SERPINE2: variants seen among roughly 807,000 people sequenced by gnomAD.
SERPINE2 encodes the protein glia-derived nexin.
In SERPINE2, 14 loss-of-function variants were observed where a neutral mutation model predicts 36.3. That is an observed-to-expected ratio of 0.39 (90% confidence interval 0.25 to 0.60). SERPINE2 has a LOEUF of 0.60. Among genes scored for constraint, SERPINE2 ranks in the 20% least tolerant of loss-of-function variants. The probability of loss-of-function intolerance (pLI) is 0.57; values close to 1 mark genes in which losing one functional copy is unlikely to be tolerated. For synonymous variants in SERPINE2, 192 were observed against 191.8 expected (o/e 1.00, Z -0.01); for missense variants, 418 against 499.6 (o/e 0.84, Z 1.56).
intron 1 of SERPINE2, among the ~76,000 whole-genome samples, chr2:224,018,158 G>T (rs1691863955): frequency 6.6e-6 from 1 of 152,158 alleles, no homozygotes; most frequent in Non-Finnish European, 1.5e-5. Flanking sequence ...ATGGGCTTAG[G>T]AAATGATTGA....
rs138510893 is a variant in SERPINE2 at position 224,001,966 on chromosome 2, G to T, written c.-22-44C>A. ...AAATATTTAAATTATACTTAAATGG[G>T]TACTTTACTACTTTTTTTTTTTTTC... is the stretch of plus-strand genomic sequence containing the variant. On this transcript the variant is annotated intron_variant, in intron 1 of 8. Coordinates refer to ENST00000409304, the MANE Select transcript of SERPINE2 (RefSeq NM_001136528.2). The T allele has an allele frequency of 4.8e-4, 717 of 1,491,578 alleles. 5 individuals carry two copies. The East Asian group carries it at 0.015, about 31-fold the overall frequency. The allele number at this position is 1,491,578 out of a possible 1,614,324, so 92.4% of individuals were successfully genotyped here.
At chr2:224,029,603 G>C (rs1186517945) in intron 1 of SERPINE2, among the ~76,000 whole-genome samples, 1 of 152,184 alleles carries the variant, frequency 6.6e-6, no homozygotes, top group Non-Finnish European at 1.5e-5. Flanking sequence ...TTCACAGTCA[G>C]AAAAACAAGA....
At chr2:223,989,483 G>A (rs951459428) in intron 4 of SERPINE2, among the ~76,000 whole-genome samples, 7 of 152,164 alleles carry the variant, frequency 4.6e-5, no homozygotes, top group African/African-American at 1.2e-4. Flanking sequence ...AGAAAATGAC[G>A]GACAGTCTGT....
At chr2:223,982,823 A>G (rs1559194804) in intron 5 of SERPINE2, 42 bp from the exon 6 acceptor site, 2 of 1,420,060 alleles carry the variant, frequency 1.4e-6, no homozygotes, top group African/African-American at 2.8e-5. Flanking sequence ...TCACGAGGCT[A>G]TAAATGCTAC....
chr2:224,007,572 G>T (rs7584131), intron 1 of SERPINE2, among the ~76,000 whole-genome samples: 103,448 of 151,966 alleles, frequency 0.68, 35,708 homozygotes, highest in Non-Finnish European at 0.75. Flanking sequence ...ATTTAAAATA[G>T]ATATCCATGA....
chr2:223,990,346 A>G (rs1690614000), intron 4 of SERPINE2, among the ~76,000 whole-genome samples: 1 of 152,236 alleles, frequency 6.6e-6, no homozygotes, highest in Admixed American at 6.5e-5. Flanking sequence ...ACACATGTAT[A>G]TTCCTAGGCA....
intron 5 of SERPINE2, among the ~76,000 whole-genome samples, chr2:223,983,428 T>C (rs1690298798): frequency 6.6e-6 from 1 of 152,070 alleles, no homozygotes; most frequent in Non-Finnish European, 1.5e-5. Context: ...TAATTTTTTA[T>C]ATTTTTAGTA....
At chr2:224,020,427 G>C (rs1250585104) in intron 1 of SERPINE2, among the ~76,000 whole-genome samples, 4 of 152,172 alleles carry the variant, frequency 2.6e-5, no homozygotes, top group Non-Finnish European at 4.4e-5. Flanking sequence ...GGTCCTTCTG[G>C]AAAGCACCAT....
At chr2:223,985,155 G>T in intron 4 of SERPINE2, 1 of 579,318 alleles carries the variant, frequency 1.7e-6, no homozygotes, top group Non-Finnish European at 3.1e-6. Context: ...AGTCTAGACA[G>T]AATGCCTTTG....
chr2:224,015,378 G>A (rs1264573435), intron 1 of SERPINE2, among the ~76,000 whole-genome samples: 1 of 152,216 alleles, frequency 6.6e-6, no homozygotes, highest in African/African-American at 2.4e-5. Context: ...GGCCACATGG[G>A]CAGACATTGG....
At chr2:224,002,427 T>C (rs1353972523) in intron 1 of SERPINE2, among the ~76,000 whole-genome samples, 1 of 152,152 alleles carries the variant, frequency 6.6e-6, no homozygotes, top group East Asian at 1.9e-4. Flanking sequence ...CAAACTTCCA[T>C]CTCTTGGGTC....
chr2:224,031,403 A>G (rs1262581310), intron 1 of SERPINE2: 3 of 985,364 alleles, frequency 3.0e-6, no homozygotes, highest in Non-Finnish European at 3.6e-6. Flanking sequence ...CGTTGGGGGG[A>G]AAACAGAAAG....
intron 1 of SERPINE2, among the ~76,000 whole-genome samples, chr2:224,028,792 G>A (rs1208596836): frequency 6.6e-6 from 1 of 152,114 alleles, no homozygotes; most frequent in African/African-American, 2.4e-5. Context: ...GCTCCTCTGT[G>A]CCAGCTATGG....
In SERPINE2 at chr2:223,975,793, T is replaced by G; in HGVS notation, c.*74A>C. 1.6e-6 allele frequency: 2 copies of G among 1,234,194 alleles called. No individual in the cohort carries two copies. The allele number at this position is 1,234,194 out of a possible 1,614,324, so 76.5% of individuals were successfully genotyped here. ...TGTACAAAAATATTTAACAGAACTATGAAAGATGCAGGAAAGGAGTCTTTC... is the reference window on the plus strand; with the variant it reads ...TGTACAAAAATATTTAACAGAACTAGGAAAGATGCAGGAAAGGAGTCTTTC... On this transcript the variant is annotated 3_prime_UTR_variant, in exon 9 of 9. Transcript: ENST00000409304.
chr2:223,994,766 C>T (rs763076706), intron 3 of SERPINE2, among the ~76,000 whole-genome samples: 1 of 152,198 alleles, frequency 6.6e-6, no homozygotes, highest in Non-Finnish European at 1.5e-5. Context: ...ACTGGTTGAA[C>T]ATTTACTAAG....
At chr2:223,992,977 C>A (rs1188328783) in intron 3 of SERPINE2, among the ~76,000 whole-genome samples, 1 of 151,928 alleles carries the variant, frequency 6.6e-6, no homozygotes, top group Admixed American at 6.6e-5. Flanking sequence ...ACATATTAGC[C>A]AGCTGGGTAT....
At chr2:224,013,055 G>A (rs996384619) in intron 1 of SERPINE2, among the ~76,000 whole-genome samples, 9 of 152,156 alleles carry the variant, frequency 5.9e-5, no homozygotes, top group African/African-American at 1.9e-4. Flanking sequence ...TTTGACCTAT[G>A]TATGTGGCCA....
In SERPINE2 at chr2:223,975,747, C is replaced by G. The variant is rs1490270372; in HGVS notation, c.*120G>C. The G allele has an allele frequency of 3.4e-5, 26 of 773,736 alleles. No individual in the cohort carries two copies. In the Admixed American group the frequency reaches 3.8e-4, roughly 11 times the overall value. 47.9% of individuals were successfully genotyped at this position (773,736 alleles called of 1,614,324 possible). On this transcript the variant is annotated 3_prime_UTR_variant, in exon 9 of 9. Coordinates refer to ENST00000409304, the MANE Select transcript of SERPINE2 (RefSeq NM_001136528.2). ...CTTGCATCGAGTCTGTTCCTAAGAA[C>G]TAGTTTTGAAAAAGAAGCGATGTAC...
intron 1 of SERPINE2, among the ~76,000 whole-genome samples, chr2:224,010,838 T>C (rs1047337736): frequency 2.0e-5 from 3 of 152,304 alleles, no homozygotes; most frequent in Admixed American, 6.5e-5. Flanking sequence ...AGACCTGAAA[T>C]ACTCTGATTT....
Sources: allele counts gnomAD v4.1 joint callset (sites outside exome capture counted in the v4.1 genomes callset), GRCh38; gene constraint gnomAD v4.1.1; transcripts MANE v1.5; gene names NCBI Gene and HGNC (gene_info 2026-07-23, HGNC 2026-07-21).